PKHD1: variants seen among roughly 807,000 people sequenced by gnomAD.
The protein encoded by PKHD1 is fibrocystin.
In PKHD1, 291 loss-of-function variants were observed where a neutral mutation model predicts 412.0. The observed-to-expected ratio is 0.71, with a 90% confidence interval of 0.64 to 0.78. PKHD1 has a LOEUF of 0.78. Among genes scored for constraint, PKHD1 ranks in the 30% least tolerant of loss-of-function variants. The pLI is 0.00. For missense variants in PKHD1, 4,825 were observed against 4,950.7 expected (o/e 0.97, Z 0.76); for synonymous variants, 1,777 against 1,821.5 (o/e 0.98, Z 0.62).
chr6:52,047,321 C>T (rs1169131960), intron 23 of PKHD1, among the ~76,000 whole-genome samples: 1 of 152,148 alleles, frequency 6.6e-6, no homozygotes, highest in African/African-American at 2.4e-5. Flanking sequence ...CCTGAGTCAC[C>T]CTATTATAAT....
chr6:51,710,948 G>A (rs559344259), intron 60 of PKHD1, among the ~76,000 whole-genome samples: 1 of 152,240 alleles, frequency 6.6e-6, no homozygotes, highest in African/African-American at 2.4e-5. Context: ...GCTGTATCAG[G>A]TACCTCTTGT....
chr6:51,976,425 T>C (rs1271591492), intron 35 of PKHD1, among the ~76,000 whole-genome samples: 1 of 152,198 alleles, frequency 6.6e-6, no homozygotes, highest in Non-Finnish European at 1.5e-5. Flanking sequence ...TCCACTTGTA[T>C]AAAGTGCCTA....
chr6:51,827,304 T>C (rs1334844351), intron 52 of PKHD1, among the ~76,000 whole-genome samples: 1 of 152,106 alleles, frequency 6.6e-6, no homozygotes, highest in Non-Finnish European at 1.5e-5. Flanking sequence ...ACATTACAAA[T>C]CACAGCTTTC....
At chr6:51,964,423 G>A (rs1408759597) in intron 35 of PKHD1, among the ~76,000 whole-genome samples, 2 of 152,080 alleles carry the variant, frequency 1.3e-5, no homozygotes, top group African/African-American at 4.8e-5. Flanking sequence ...CCTGGAAATA[G>A]GAAAAGACAA....
chr6:51,943,789 CA>C (rs1473811185), intron 36 of PKHD1, among the ~76,000 whole-genome samples: 1 of 151,354 alleles, frequency 6.6e-6, no homozygotes, highest in African/African-American at 2.4e-5. Context: ...CCCACAATAT[CA>C]CCCCTTACCA....
At position 51,648,110 on chromosome 6, in the gene PKHD1, T is replaced by A. The variant is rs770697340; in HGVS notation, c.11319A>T (p.Arg3773Ser). 4 of 1,590,038 alleles carry A rather than the reference T, an allele frequency of 2.5e-6. No homozygotes were observed. In the South Asian group the frequency reaches 3.3e-5, roughly 13 times the overall value. The change falls in exon 63 of 67, where the codon AGA (arginine) becomes AGT (serine). Residue 3773 changes from arginine to serine, a missense_variant. Transcript: ENST00000371117. The stretch of plus-strand genomic sequence containing the variant: ...CTGAAGGAGGTCCCAGGGACTCTAC[T>A]CTTCGATTCTAGAAATGGGAATAGG... ...QLVFLDEQNRRVESLGPPSEP... is the reference protein window; with the variant it reads ...QLVFLDEQNRSVESLGPPSEP...
At chr6:51,850,058 G>T (rs1213008508) in intron 49 of PKHD1, among the ~76,000 whole-genome samples, 2 of 152,114 alleles carry the variant, frequency 1.3e-5, no homozygotes, top group African/African-American at 4.8e-5. Flanking sequence ...TCCATCTTGA[G>T]TTAATTTTTG....
At chr6:52,027,351 G>C (rs1023016285) in intron 31 of PKHD1, among the ~76,000 whole-genome samples, 10 of 151,826 alleles carry the variant, frequency 6.6e-5, no homozygotes. Flanking sequence ...GGCCAACATG[G>C]TGAAACCCCA....
intron 60 of PKHD1, among the ~76,000 whole-genome samples, chr6:51,671,196 A>G (rs982830001): frequency 1.3e-5 from 2 of 152,096 alleles, no homozygotes; most frequent in Admixed American, 6.6e-5. Flanking sequence ...AATCAGACGT[A>G]GATTTGGTCT....
At chr6:52,060,837 A>C (rs1283293384) in intron 14 of PKHD1, among the ~76,000 whole-genome samples, 1 of 152,140 alleles carries the variant, frequency 6.6e-6, no homozygotes, top group Non-Finnish European at 1.5e-5. Context: ...CTACTTTAAA[A>C]GTCCACAATA....
At chr6:51,744,150 C>T (rs1278480083) in intron 60 of PKHD1, among the ~76,000 whole-genome samples, 2 of 152,246 alleles carry the variant, frequency 1.3e-5, no homozygotes, top group Non-Finnish European at 2.9e-5. Context: ...TGAGAATCTG[C>T]ACTTTTGACA....
intron 63 of PKHD1, among the ~76,000 whole-genome samples, chr6:51,641,211 A>G (rs1240079015): frequency 6.6e-6 from 1 of 152,228 alleles, no homozygotes; most frequent in Non-Finnish European, 1.5e-5. Flanking sequence ...CACATAAAAA[A>G]GGTGTGTATA....
chr6:51,861,603 G>T (rs776658074), intron 48 of PKHD1, among the ~76,000 whole-genome samples: 3 of 152,156 alleles, frequency 2.0e-5, no homozygotes, highest in Non-Finnish European at 4.4e-5. Context: ...CTGTGGCATG[G>T]TTTTGCATGA....
At chr6:51,729,442 G>A (rs990808497) in intron 60 of PKHD1, among the ~76,000 whole-genome samples, 1 of 152,034 alleles carries the variant, frequency 6.6e-6, no homozygotes, top group East Asian at 1.9e-4. Context: ...TTTTTTTAAT[G>A]GCAACCTTCT....
chr6:51,654,565 G>C (rs530531889), intron 61 of PKHD1, among the ~76,000 whole-genome samples: 13 of 151,582 alleles, frequency 8.6e-5, no homozygotes, highest in Non-Finnish European at 1.5e-4. Flanking sequence ...TCTGATTTTG[G>C]ACTTAGAACT....
chr6:51,979,212 T>C (rs1794829340), intron 35 of PKHD1, among the ~76,000 whole-genome samples: 1 of 152,168 alleles, frequency 6.6e-6, no homozygotes, highest in Non-Finnish European at 1.5e-5. Flanking sequence ...GTCTGAAGAC[T>C]ACAGGTGATT....
intron 61 of PKHD1, among the ~76,000 whole-genome samples, chr6:51,650,440 GTATT>G (rs70977309): frequency 6.6e-6 from 1 of 151,904 alleles, no homozygotes; most frequent in Non-Finnish European, 1.5e-5. Context: ...GTCTCATGAG[GTATT>G]TATTTATTTA....
At chr6:51,989,228 GA>G (rs1171927267) in intron 35 of PKHD1, among the ~76,000 whole-genome samples, 2 of 152,090 alleles carry the variant, frequency 1.3e-5, no homozygotes, top group Non-Finnish European at 2.9e-5. Context: ...CAAATAAAAA[GA>G]AAAAACTTAT....
intron 55 of PKHD1, among the ~76,000 whole-genome samples, chr6:51,769,266 A>G (rs911986407): frequency 1.3e-5 from 2 of 151,560 alleles, no homozygotes; most frequent in Non-Finnish European, 3.0e-5. Flanking sequence ...AGAACATGGT[A>G]TAAATTTATG....
Sources: gnomAD v4.1 joint callset for allele counts (sites outside exome capture counted in the v4.1 genomes callset) on GRCh38, gnomAD v4.1.1 for gene constraint, MANE v1.5 for transcripts, NCBI Gene and HGNC (gene_info 2026-07-23, HGNC 2026-07-21) for gene names.